FAM135B: variants seen among roughly 807,000 people sequenced by gnomAD.
The protein encoded by FAM135B is protein FAM135B.
FAM135B carries 43 observed loss-of-function variants against 127.7 expected under a neutral mutation model. The ratio of observed to expected loss-of-function variants is 0.34; its 90% CI spans 0.26 to 0.43. The LOEUF (loss-of-function observed/expected upper bound fraction) is 0.43, where lower values mean the gene tolerates loss of function less well. Ranked by LOEUF, FAM135B falls within the 20% of genes least tolerant of loss-of-function variation. The pLI is 1.00. For missense variants in FAM135B, 1,558 were observed against 1,725.6 expected, an observed-to-expected ratio of 0.90 and a Z score of 1.72; for synonymous variants, 670 against 665.1, an observed-to-expected ratio of 1.01 and a Z score of -0.11.
chr8:138,281,017 A>G (rs1824225646), intron 3 of FAM135B, among the ~76,000 whole-genome samples: 1 of 152,116 alleles, frequency 6.6e-6, no homozygotes, highest in South Asian at 2.1e-4. Context: ...AAGTTCACTC[A>G]AGTTCATCTA....
intron 3 of FAM135B, among the ~76,000 whole-genome samples, chr8:138,294,212 T>G (rs1027719336): frequency 6.6e-6 from 1 of 152,038 alleles, no homozygotes; most frequent in Non-Finnish European, 1.5e-5. Context: ...AGGTATGCAG[T>G]GTGGTATAAT....
chr8:138,245,886 C>G (rs760655976), intron 6 of FAM135B, among the ~76,000 whole-genome samples: 1 of 150,326 alleles, frequency 6.7e-6, no homozygotes, highest in Non-Finnish European at 1.5e-5. Flanking sequence ...TTTCTAGAGA[C>G]GTGTTGAATG....
At chr8:138,374,101 C>T (rs545650976) in intron 1 of FAM135B, among the ~76,000 whole-genome samples, 18 of 152,262 alleles carry the variant, frequency 1.2e-4, no homozygotes, top group African/African-American at 4.1e-4. Context: ...ACTGGTTTTG[C>T]GTCTTGCAGG....
At chr8:138,150,476 T>C (rs905141777) in intron 13 of FAM135B, among the ~76,000 whole-genome samples, 2 of 152,198 alleles carry the variant, frequency 1.3e-5, no homozygotes, top group Non-Finnish European at 2.9e-5. Flanking sequence ...GAGACCATCC[T>C]AGCCAACATG....
chr8:138,242,622 A>G lies in FAM135B; in HGVS notation c.669+320T>C, dbSNP rs1027136307. On this transcript the variant is annotated intron_variant, in intron 7 of 19. Transcript: ENST00000395297. This position sits in a 1 kb window ranked among gnomAD's most constrained non-coding sequence, Gnocchi z 9.6. ...GTTTTGAAACCAGACATGGCCTTCAACGTTATCACATAGTCTGAGTGGCCC... is the reference window on the plus strand; with the variant it reads ...GTTTTGAAACCAGACATGGCCTTCAGCGTTATCACATAGTCTGAGTGGCCC... 2.0e-5 allele frequency among the ~76,000 whole-genome samples: 3 copies of G among 152,150 alleles called. No individual in the cohort carries two copies. The highest frequency in any genetic ancestry group is 1.3e-4 in the Admixed American group (2 of 15,276).
chr8:138,251,805 C>A (rs759653351), intron 5 of FAM135B, among the ~76,000 whole-genome samples: 6 of 152,176 alleles, frequency 3.9e-5, no homozygotes, highest in African/African-American at 7.2e-5. Flanking sequence ...ATCCTGAGAA[C>A]CAGTCATTTG....
intron 2 of FAM135B, among the ~76,000 whole-genome samples, chr8:138,353,025 C>T (rs1829874119): frequency 6.6e-6 from 1 of 152,192 alleles, no homozygotes; most frequent in Non-Finnish European, 1.5e-5. Flanking sequence ...CTCCCTGCTA[C>T]AATCTGCTCT....
chr8:138,142,022 T>G (rs1817202256), intron 16 of FAM135B, among the ~76,000 whole-genome samples: 1 of 152,198 alleles, frequency 6.6e-6, no homozygotes, highest in Admixed American at 6.5e-5. Flanking sequence ...TGAAACTGCC[T>G]CACCTAGCTT....
intron 3 of FAM135B, among the ~76,000 whole-genome samples, chr8:138,294,031 T>G (rs1397307216): frequency 6.6e-6 from 1 of 152,000 alleles, no homozygotes; most frequent in Non-Finnish European, 1.5e-5. Flanking sequence ...GTAAAGAAAA[T>G]ATGCTATATC....
rs984400873 is a variant in FAM135B, at chr8:138,217,816, G to T, written c.670-20147C>A. Among the ~76,000 whole-genome samples the T allele has an allele frequency of 9.5e-4, 145 of 152,228 alleles. 1 individual carries two copies. The highest frequency in any genetic ancestry group is 2.8e-3 in the African/African-American group (118 of 41,542). ...ATGTATCAGTGTTCATGAACTACCT[G>T]GTCCTTTCCTTCACGGAGTTTTTGT... On this transcript the variant is annotated intron_variant, in intron 7 of 19. Coordinates refer to ENST00000395297, the MANE Select transcript of FAM135B (RefSeq NM_015912.4).
intron 2 of FAM135B, among the ~76,000 whole-genome samples, chr8:138,351,627 T>C (rs1005788272): frequency 1.3e-5 from 2 of 151,530 alleles, no homozygotes; most frequent in Non-Finnish European, 2.9e-5. Flanking sequence ...GGATACTTTG[T>C]AACAGCAACC....
intron 2 of FAM135B, among the ~76,000 whole-genome samples, chr8:138,312,265 G>C (rs1302403223): frequency 6.6e-6 from 1 of 152,230 alleles, no homozygotes; most frequent in East Asian, 1.9e-4. Flanking sequence ...TTTTTCAAAA[G>C]TACCTGCTAT....
At chr8:138,460,711 T>C (rs1199020303) in intron 1 of FAM135B, among the ~76,000 whole-genome samples, 1 of 151,508 alleles carries the variant, frequency 6.6e-6, no homozygotes, top group Non-Finnish European at 1.5e-5. Flanking sequence ...CTGGAAGGAT[T>C]TTTTTTTCTA....
intron 6 of FAM135B, among the ~76,000 whole-genome samples, chr8:138,246,342 G>A (rs1821285120): frequency 1.3e-5 from 2 of 152,178 alleles, no homozygotes. Flanking sequence ...CAGGAAGAAA[G>A]AATGGTTTTG....
At chr8:138,376,946 C>T (rs1831516233) in intron 1 of FAM135B, among the ~76,000 whole-genome samples, 2 of 152,182 alleles carry the variant, frequency 1.3e-5, no homozygotes, top group Non-Finnish European at 2.9e-5. Context: ...CTTTTCATCA[C>T]AATATACCAA....
At chr8:138,297,424 C>T (rs1478261038) in intron 3 of FAM135B, among the ~76,000 whole-genome samples, 4 of 152,192 alleles carry the variant, frequency 2.6e-5, no homozygotes, top group African/African-American at 4.8e-5. Flanking sequence ...AGGATTTGAA[C>T]CCAGACACTA....
chr8:138,225,464 A>AC (rs1563791152), intron 7 of FAM135B, among the ~76,000 whole-genome samples: 1 of 147,386 alleles, frequency 6.8e-6, no homozygotes, highest in African/African-American at 2.5e-5. Flanking sequence ...ACAAAAAAAA[A>AC]ACAAAAAAAC....
intron 5 of FAM135B, among the ~76,000 whole-genome samples, chr8:138,256,207 A>T (rs1219686145): frequency 1.3e-5 from 2 of 152,118 alleles, no homozygotes; most frequent in Non-Finnish European, 2.9e-5. Flanking sequence ...TCCAAGAAAG[A>T]AGAAAGTTGC....
At chr8:138,487,347 G>C (rs1271740718) in intron 1 of FAM135B, among the ~76,000 whole-genome samples, 1 of 151,986 alleles carries the variant, frequency 6.6e-6, no homozygotes, top group Non-Finnish European at 1.5e-5. Context: ...GCCCCCATGG[G>C]ACTACTTTTT....
Sources: gnomAD v4.1 joint callset for allele counts (sites outside exome capture counted in the v4.1 genomes callset) on GRCh38, gnomAD v4.1.1 for gene constraint, Gnocchi (gnomAD v3.1) non-coding constraint, MANE v1.5 for transcripts, NCBI Gene and HGNC (gene_info 2026-07-23, HGNC 2026-07-21) for gene names.